The following TRMT1L variants were observed in gnomAD, a reference collection of about 807,000 sequenced individuals.
TRMT1L encodes the protein tRNA methyltransferase 1L, also known as tRNA (guanine(27)-N(2))-dimethyltransferase.
Under a neutral mutation model 81.6 loss-of-function variants are expected in TRMT1L, and 28 were observed. That is an observed-to-expected ratio of 0.34 (90% CI 0.25 to 0.47). The LOEUF (loss-of-function observed/expected upper bound fraction) is 0.47. TRMT1L is among the 20% of genes least tolerant of loss of function. The pLI is 1.00. For synonymous variants in TRMT1L, 301 were observed against 303.2 expected (o/e 0.99, Z 0.07); for missense variants, 739 against 877.1 (o/e 0.84, Z 1.99).
At chr1:185,133,229 G>A (rs550499225) in intron 10 of TRMT1L, among the ~76,000 whole-genome samples, 30 of 152,234 alleles carry the variant, frequency 2.0e-4, no homozygotes, top group African/African-American at 7.0e-4. Context: ...ATATGAATCA[G>A]CTTTTATTTT....
intron 4 of TRMT1L, among the ~76,000 whole-genome samples, chr1:185,146,683 C>G (rs12401293): frequency 0.049 from 7,410 of 151,976 alleles, 230 homozygotes; most frequent in East Asian, 0.11. Context: ...GTTTGTATTC[C>G]CCTTAGGTCA....
intron 8 of TRMT1L, 53 bp downstream of exon 8, chr1:185,139,920 C>T (rs945365625): frequency 2.6e-5 from 40 of 1,542,320 alleles, no homozygotes; most frequent in Non-Finnish European, 3.4e-5. Context: ...ACTCCTCGTC[C>T]CCAAAATTTC....
chr1:185,156,224 A>G (rs926791172), intron 1 of TRMT1L, among the ~76,000 whole-genome samples: 1 of 152,088 alleles, frequency 6.6e-6, no homozygotes, highest in Admixed American at 6.5e-5. Flanking sequence ...CCTTAACCTC[A>G]TTATTTCCTT....
chr1:185,150,670 G>A (rs1369356396), intron 2 of TRMT1L, among the ~76,000 whole-genome samples, 178 bp from the exon 3 acceptor site: 2 of 152,140 alleles, frequency 1.3e-5, no homozygotes, highest in Admixed American at 1.3e-4. Context: ...TGCAGCACAT[G>A]ATCAGTGATT....
chr1:185,156,892 A>C lies in TRMT1L; in HGVS notation c.-180T>G. On this transcript the variant is annotated 5_prime_UTR_variant, in exon 1 of 15. Transcript: ENST00000367506. ...CAGTGACCAAATCCTGTTAGTAGAA[A>C]ACAGAAAGCCAGAGGCAGCGATTCC... The C allele has an allele frequency of 1.2e-6, 1 of 852,486 alleles. No homozygotes were observed. Among genetic ancestry groups the C allele is most frequent in the Non-Finnish European group, 1.7e-6 (1 of 585,686 alleles). The allele number at this position is 852,486 out of a possible 1,614,324, so 52.8% of individuals were successfully genotyped here. A position where few individuals can be genotyped will look rare whatever the true frequency, so the allele number is the denominator to read the frequency against.
chr1:185,147,650 G>A (rs902544424), intron 3 of TRMT1L, among the ~76,000 whole-genome samples: 2 of 152,012 alleles, frequency 1.3e-5, no homozygotes, highest in African/African-American at 4.8e-5. Flanking sequence ...TCTATGACAT[G>A]GTACTATCTT....
intron 10 of TRMT1L, among the ~76,000 whole-genome samples, chr1:185,133,449 C>T (rs1352137555): frequency 2.0e-5 from 3 of 151,970 alleles, no homozygotes; most frequent in Non-Finnish European, 4.4e-5. Flanking sequence ...TGTGTAATAC[C>T]CTCCCCCTGA....
intron 3 of TRMT1L, among the ~76,000 whole-genome samples, chr1:185,149,304 CT>C (rs369603781): frequency 2.7e-3 from 378 of 139,822 alleles, no homozygotes; most frequent in Middle Eastern, 3.6e-3. Context: ...TTTACTTCCT[CT>C]TTTTTTTTTT....
At chr1:185,132,180 C>T (rs1652786786) in intron 10 of TRMT1L, among the ~76,000 whole-genome samples, 1 of 151,642 alleles carries the variant, frequency 6.6e-6, no homozygotes, top group South Asian at 2.1e-4. Context: ...AGTCCCCTTG[C>T]CCCCCAAATT....
intron 11 of TRMT1L, among the ~76,000 whole-genome samples, chr1:185,126,388 G>A (rs1329007821): frequency 2.6e-5 from 4 of 152,050 alleles, no homozygotes; most frequent in African/African-American, 7.2e-5. Context: ...TCTGCCTCCC[G>A]GGTTCACGAC....
intron 1 of TRMT1L, among the ~76,000 whole-genome samples, chr1:185,154,403 C>A (rs1439349522): frequency 6.6e-6 from 1 of 152,156 alleles, no homozygotes; most frequent in Admixed American, 6.5e-5. Context: ...TTTCCTATAT[C>A]AGATACTGGT....
chr1:185,156,618 G>A lies in TRMT1L; in HGVS notation c.95C>T (p.Ala32Val), dbSNP rs1305333366. The A allele has an allele frequency of 1.2e-6, 2 of 1,602,600 alleles. No homozygotes were observed. The highest frequency in any genetic ancestry group is 1.7e-6 in the Non-Finnish European group (2 of 1,174,780). Residue 32 changes from alanine to valine, a missense_variant, in exon 1 of 15, where the codon GCT (alanine) becomes GTT (valine). Transcript: ENST00000367506. The stretch of plus-strand genomic sequence containing the variant: ...ATCCGGGGCCGGAGCTGGGACCCCA[G>A]CCGAGTCCCGGGCCGGGGTCGGGAC... Reference protein sequence around the residue: ...VQVPTPARDSAGVPAPAPDSA... With the variant: ...VQVPTPARDSVGVPAPAPDSA...
At chr1:185,149,020 G>A (rs1429179056) in intron 3 of TRMT1L, among the ~76,000 whole-genome samples, 1 of 152,040 alleles carries the variant, frequency 6.6e-6, no homozygotes, top group Non-Finnish European at 1.5e-5. Flanking sequence ...TTGATACTTA[G>A]GTTTCTTTTG....
chr1:185,135,411 G>A (rs1210320515), intron 10 of TRMT1L, among the ~76,000 whole-genome samples: 2 of 140,574 alleles, frequency 1.4e-5, no homozygotes, highest in Admixed American at 7.3e-5. Context: ...ATGAGACTCC[G>A]TCTCAAAAAA....
At chr1:185,132,409 C>T (rs1557986591) in intron 10 of TRMT1L, among the ~76,000 whole-genome samples, 1 of 151,852 alleles carries the variant, frequency 6.6e-6, no homozygotes, top group Non-Finnish European at 1.5e-5. Context: ...ATCACAGCTA[C>T]TCAGGAGGCT....
intron 3 of TRMT1L, among the ~76,000 whole-genome samples, chr1:185,147,685 CT>C (rs1442707053): frequency 6.6e-6 from 1 of 152,142 alleles, no homozygotes; most frequent in African/African-American, 2.4e-5. Context: ...CTTTCTTCAT[CT>C]TCTTTACAGA....
intron 10 of TRMT1L, among the ~76,000 whole-genome samples, chr1:185,131,626 T>C (rs750662804): frequency 2.0e-5 from 3 of 151,696 alleles, no homozygotes; most frequent in Non-Finnish European, 4.4e-5. Flanking sequence ...AAATATGAAA[T>C]AACTCTTAGA....
chr1:185,125,984 G>A (rs192610337), intron 11 of TRMT1L, among the ~76,000 whole-genome samples: 1 of 152,276 alleles, frequency 6.6e-6, no homozygotes, highest in African/African-American at 2.4e-5. Context: ...ATAGTCTGGG[G>A]TGAATCTGAT....
chr1:185,139,442 T>G lies in TRMT1L; in HGVS notation c.1247A>C (p.His416Pro). Reference sequence around the variant, plus strand: ...AGTTCGGACAATGTTACATCCGTAGTGACGCCGGGCAACATGCTGTGCCTT... The same window carrying G: ...AGTTCGGACAATGTTACATCCGTAGGGACGCCGGGCAACATGCTGTGCCTT... Reference protein sequence around the residue: ...YAKAQHVARRHYGCNIVRTEY... With the variant: ...YAKAQHVARRPYGCNIVRTEY... The change falls in exon 9 of 15, where the codon CAC becomes CCC. Residue 416 changes from histidine (H) to proline (P), a missense_variant. His to Pro is a moderately conservative substitution (Grantham distance 77). Around this residue, in one of 4 missense-constraint regions of TRMT1L, gnomAD observed 331 missense variants for 462.2 expected, o/e 0.72. Coordinates refer to ENST00000367506, the MANE Select transcript of TRMT1L (RefSeq NM_030934.5). 6.2e-7 allele frequency: 1 copy of G among 1,614,206 alleles called. No homozygotes were observed. Among genetic ancestry groups the G allele is most frequent in the Non-Finnish European group, 8.5e-7 (1 of 1,180,020 alleles).
Sources: allele counts gnomAD v4.1 joint callset (sites outside exome capture counted in the v4.1 genomes callset), GRCh38; gene constraint gnomAD v4.1.1; regional missense constraint gnomAD v4.1.1; transcripts MANE v1.5; gene names NCBI Gene and HGNC (gene_info 2026-07-23, HGNC 2026-07-21).